The following PCK1 variants were observed in gnomAD, a reference collection of about 807,000 sequenced individuals.
PCK1 encodes the protein phosphoenolpyruvate carboxykinase, cytosolic [GTP].
PCK1 carries 44 observed loss-of-function variants against 50.3 expected under a neutral mutation model. That is an observed-to-expected ratio of 0.87 (90% CI 0.69 to 1.12). The LOEUF (loss-of-function observed/expected upper bound fraction) is 1.12, where lower values mean the gene tolerates loss of function less well. Among genes scored for constraint, PCK1 ranks in the 50% most tolerant of loss-of-function variants. PCK1 has a pLI of 0.00. For synonymous variants in PCK1, 332 were observed against 314.3 expected (o/e 1.06, Z -0.59); for missense variants, 790 against 815.0 (o/e 0.97, Z 0.37).
rs2070218169 is a variant in PCK1 at position 57,568,064 on chromosome 20, A to AT, written c.*2265dup. On this transcript the variant is annotated 3_prime_UTR_variant, in exon 10 of 10. Coordinates refer to ENST00000319441, the MANE Select transcript of PCK1 (RefSeq NM_002591.4). The stretch of plus-strand genomic sequence containing the variant: ...GTGCTCCCTCTGTCTCCAAATCCTG[A>AT]TTTTTGTGCGCGGACCCCTGTCTAC... 1 of 152,164 alleles carries AT rather than the reference A, an allele frequency of 6.6e-6. No individual in the cohort carries two copies. Among genetic ancestry groups the AT allele is most frequent in the South Asian group, 2.1e-4 (1 of 4,824 alleles). 9.4% of individuals were successfully genotyped at this position (152,164 alleles called of 1,614,324 possible).
intron 9 of PCK1, 51 bp downstream of exon 9, chr20:57,565,186 C>G (rs760908868): frequency 7.2e-7 from 1 of 1,396,302 alleles, no homozygotes; most frequent in South Asian, 1.2e-5. Flanking sequence ...TTAGAGCACT[C>G]TTCGTCACTC....
At position 57,564,355 on chromosome 20, in the gene PCK1, T is replaced by A. The variant is rs745989703; in HGVS notation, c.1148T>A (p.Ile383Asn). Residue 383 changes from isoleucine (I) to asparagine (N), a missense_variant, in exon 7 of 10, where the codon ATC becomes AAC. By Grantham distance (149) the Ile-to-Asn change is moderately radical. Transcript: ENST00000319441. Reference protein sequence around the residue: ...IDEPLASGVTITSWKNKEWSS... With the variant: ...IDEPLASGVTNTSWKNKEWSS... ...GAGCCGCTAGCTTCAGGTGTCACCA[T>A]CACGTCCTGGAAGAATAAGGAGTGG... 51 of 1,613,934 alleles carry A rather than the reference T, an allele frequency of 3.2e-5. No individual in the cohort carries two copies. The highest frequency in any genetic ancestry group is 4.2e-5 in the Non-Finnish European group (49 of 1,179,980).
rs748682003 is a variant in PCK1, at chr20:57,563,631, G to A, written c.865G>A (p.Gly289Arg). Residue 289 changes from glycine to arginine, a missense_variant, in exon 6 of 10, where the codon GGG becomes AGG. By Grantham distance (125) the Gly-to-Arg change is moderately radical. Coordinates refer to ENST00000319441, the MANE Select transcript of PCK1 (RefSeq NM_002591.4). The stretch of plus-strand genomic sequence containing the variant: ...GGCGGCCGCATTTCCCAGCGCCTGC[G>A]GGAAGACCAACCTGGCCATGATGAA... ...YLAAAFPSACGKTNLAMMNPS... is the reference protein window; with the variant it reads ...YLAAAFPSACRKTNLAMMNPS... The A allele has an allele frequency of 1.4e-5, 22 of 1,613,268 alleles. No individual in the cohort carries two copies. The highest frequency in any genetic ancestry group is 2.2e-5 in the South Asian group (2 of 91,054).
In PCK1 at chr20:57,561,205, T is replaced by A. The variant is rs2070137182; in HGVS notation, c.-41+2T>A. 6.1e-6 allele frequency: 3 copies of A among 494,844 alleles called. No individual in the cohort carries two copies. In the Admixed American group the frequency reaches 1.1e-4, roughly 17 times the overall value. 30.7% of individuals were successfully genotyped at this position (494,844 alleles called of 1,614,324 possible). A position where few individuals can be genotyped will look rare whatever the true frequency, so the allele number is the denominator to read the frequency against. On this transcript the variant is annotated splice_donor_variant, in intron 1 of 9. Transcript: ENST00000319441. LOFTEE classifies it low-confidence loss of function (5UTR_SPLICE). ...CGAGATCATCCAAAGAGAAGAAAGG[T>A]AAGTAGAGCTTTGCATTTACATTTT...
Position 57,565,694 on chromosome 20 carries a change from A to T in PCK1, c.1759A>T (p.Lys587Ter). Residue 587 changes from lysine to a stop codon, truncating the protein, a stop_gained, in exon 10 of 10, where the codon AAG becomes TAG. Transcript: ENST00000319441. LOFTEE classifies it low-confidence loss of function (END_TRUNC). ...LFSISKEFWEKEVEDIEKYLE... is the reference protein window; with the variant it reads ...LFSISKEFWE The stretch of plus-strand genomic sequence containing the variant: ...CAGCATCTCCAAGGAATTCTGGGAG[A>T]AGGAGGTGGAAGACATCGAGAAGTA... The T allele has an allele frequency of 6.2e-7, 1 of 1,613,872 alleles. No individual in the cohort carries two copies. The highest frequency in any genetic ancestry group is 8.5e-7 in the Non-Finnish European group (1 of 1,179,998).
At chr20:57,563,268 A>G (rs771157565) in intron 5 of PCK1, 53 bp downstream of exon 5, 1 of 1,531,014 alleles carries the variant, frequency 6.5e-7, no homozygotes, top group Non-Finnish European at 9.0e-7. Context: ...GGGGTGGCAG[A>G]AACAAACAGC....
At chr20:57,563,314 C>T (rs2070170210) in intron 5 of PCK1, 99 bp downstream of exon 5, 8 of 1,140,592 alleles carry the variant, frequency 7.0e-6, no homozygotes, top group South Asian at 4.2e-5. Flanking sequence ...CCTCTCTGAG[C>T]GTGCAGGTTC....
In PCK1 at chr20:57,562,691, T is replaced by C. The variant is rs761092959; in HGVS notation, c.407-5T>C. ...TCACCAGTGCCCACCCATCGCACCCTGTAGGTCGCACCATGTACGTCATCC... is the reference window on the plus strand; with the variant it reads ...TCACCAGTGCCCACCCATCGCACCCCGTAGGTCGCACCATGTACGTCATCC... On this transcript the variant is annotated splice_polypyrimidine_tract_variant and splice_region_variant and intron_variant, in intron 3 of 9. Coordinates refer to ENST00000319441, the MANE Select transcript of PCK1 (RefSeq NM_002591.4). 5 of 1,612,864 alleles carry C rather than the reference T, an allele frequency of 3.1e-6. No homozygotes were observed. Among genetic ancestry groups the C allele is most frequent in the Non-Finnish European group, 4.2e-6 (5 of 1,179,242 alleles).
At position 57,565,358 on chromosome 20, in the gene PCK1, A is replaced by G; in HGVS notation, c.1423A>G (p.Ile475Val). 1 of 1,613,360 alleles carries G rather than the reference A, an allele frequency of 6.2e-7. No individual in the cohort carries two copies. The highest frequency in any genetic ancestry group is 8.5e-7 in the Non-Finnish European group (1 of 1,179,286). The part of the protein sequence containing the change: ...TAAAEHKGKI[I>V]MHDPFAMRPF... ...CCCTCTCTGTTTAACAGGCAAAATC[A>G]TCATGCATGACCCCTTTGCCATGCG... Residue 475 changes from isoleucine to valine, a missense_variant, in exon 10 of 10, where the codon ATC (isoleucine) becomes GTC (valine). Physicochemically the swap from Ile to Val is conservative, Grantham distance 29. Transcript: ENST00000319441.
intron 6 of PCK1, 86 bp from the exon 7 acceptor site, chr20:57,564,083 A>G: frequency 9.5e-6 from 8 of 839,688 alleles, no homozygotes; most frequent in Non-Finnish European, 1.5e-5. Context: ...AGAAGTTGGC[A>G]TAGAAATTAG....
Position 57,565,029 on chromosome 20 carries a change from TCC to T in PCK1, c.1319-10_1319-9del. 1.3e-6 allele frequency: 2 copies of T among 1,597,786 alleles called. No homozygotes were observed. Among genetic ancestry groups the T allele is most frequent in the Non-Finnish European group, 8.6e-7 (1 of 1,167,376 alleles). On this transcript the variant is annotated splice_polypyrimidine_tract_variant and intron_variant, in intron 8 of 9. Transcript: ENST00000319441. ...TCTGATGAACATTTCTCTTTTTTTT[TCC>T]TGCTAAAGGTGTCCCTCTAGTCTAT...
rs774915631 is a variant in PCK1, at chr20:57,563,582, C to G, written c.816C>G (p.Asn272Lys). The G allele has an allele frequency of 1.2e-6, 2 of 1,610,314 alleles. No homozygotes were observed. Among genetic ancestry groups the G allele is most frequent in the Non-Finnish European group, 1.7e-6 (2 of 1,177,238 alleles). ...CCCAACAGATTCTGGGTATAACCAACCCTGAGGGTGAGAAGAAGTACCTGG... is the reference window on the plus strand; with the variant it reads ...CCCAACAGATTCTGGGTATAACCAAGCCTGAGGGTGAGAAGAAGTACCTGG... Reference protein sequence around the residue: ...AEHMLILGITNPEGEKKYLAA... With the variant: ...AEHMLILGITKPEGEKKYLAA... The change falls in exon 6 of 10, where the codon AAC becomes AAG. Residue 272 changes from asparagine (N) to lysine (K), a missense_variant. Asn to Lys is a moderately conservative substitution (Grantham distance 94, BLOSUM62 0). Transcript: ENST00000319441.
chr20:57,565,200 T>G, intron 9 of PCK1, 65 bp downstream of exon 9: 2 of 1,357,920 alleles, frequency 1.5e-6, no homozygotes, highest in East Asian at 2.3e-5. Context: ...GTCACTCTTA[T>G]GTCTCTCTCC....
In PCK1 at chr20:57,568,098, G is replaced by A. The variant is rs2070218420; in HGVS notation, c.*2294G>A. 1 of 152,234 alleles carries A rather than the reference G, an allele frequency of 6.6e-6. No individual in the cohort carries two copies. Among genetic ancestry groups the A allele is most frequent in the Admixed American group, 6.5e-5 (1 of 15,282 alleles). The allele number at this position is 152,234 out of a possible 1,614,324, so 9.4% of individuals were successfully genotyped here. ...CGCGGACCCCTGTCTACAATAAACA[G>A]GATCCTATGACTTCTTTCTTCAATG... On this transcript the variant is annotated 3_prime_UTR_variant, in exon 10 of 10. Coordinates refer to ENST00000319441, the MANE Select transcript of PCK1 (RefSeq NM_002591.4).
chr20:57,561,954 C>A (rs17847710), intron 2 of PCK1, 117 bp from the exon 3 acceptor site: 1 of 784,024 alleles, frequency 1.3e-6, no homozygotes. Flanking sequence ...TGTGTTCACA[C>A]TGATGGACTG....
chr20:57,565,874 A>G lies in PCK1; in HGVS notation c.*70A>G, dbSNP rs2070200367. On this transcript the variant is annotated 3_prime_UTR_variant, in exon 10 of 10. Transcript: ENST00000319441. ...CCATAAGGTGCAGTAGGAGCAAGAG[A>G]GGGCAAGTGTTCCCAAATTGACGCC... 2.5e-6 allele frequency: 3 copies of G among 1,189,416 alleles called. No homozygotes were observed. Among genetic ancestry groups the G allele is most frequent in the Admixed American group, 5.1e-5 (2 of 39,380 alleles). The allele number at this position is 1,189,416 out of a possible 1,614,324, so 73.7% of individuals were successfully genotyped here. A position where few individuals can be genotyped will look rare whatever the true frequency, so the allele number is the denominator to read the frequency against.
chr20:57,561,295 C>G (rs1292809955), intron 1 of PCK1, 77 bp from the exon 2 acceptor site: 3 of 688,854 alleles, frequency 4.4e-6, no homozygotes, highest in East Asian at 2.5e-5. Context: ...ATGCACAGCC[C>G]TGGCAAAAGG....
Position 57,561,572 on chromosome 20 carries a change from G to A in PCK1, c.161G>A (p.Gly54Glu). 6.2e-6 allele frequency: 10 copies of A among 1,613,984 alleles called. No homozygotes were observed. In the South Asian group the frequency reaches 1.1e-4, roughly 18 times the overall value. The change falls in exon 2 of 10, where the codon GGG (glycine) becomes GAG (glutamate). Residue 54 changes from glycine to glutamate, a missense_variant. Physicochemically the swap from Gly to Glu is moderately conservative, Grantham distance 98. Transcript: ENST00000319441. Reference protein sequence around the residue: ...HICDGSEEENGRLLGQMEEEG... With the variant: ...HICDGSEEENERLLGQMEEEG... ...TGTGACGGCTCTGAGGAGGAGAATG[G>A]GCGGCTTCTGGGCCAGATGGAGGAA...
Position 57,561,545 on chromosome 20 carries a change from T to C in PCK1, c.134T>C (p.Ile45Thr), listed in dbSNP as rs202197769. 46 of 1,613,784 alleles carry C rather than the reference T, an allele frequency of 2.9e-5. No homozygotes were observed. Among genetic ancestry groups the C allele is most frequent in the Non-Finnish European group, 3.4e-6 (4 of 1,179,912 alleles). Residue 45 changes from isoleucine to threonine, a missense_variant, in exon 2 of 10, where the codon ATC becomes ACC. By Grantham distance (89) the Ile-to-Thr change is moderately conservative. Coordinates refer to ENST00000319441, the MANE Select transcript of PCK1 (RefSeq NM_002591.4). ...AELCQPDHIH[I>T]CDGSEEENGR... ...CTGTGTCAGCCTGATCACATCCACA[T>C]CTGTGACGGCTCTGAGGAGGAGAAT...
Sources: gnomAD v4.1 joint callset for allele counts on GRCh38, gnomAD v4.1.1 for gene constraint, MANE v1.5 for transcripts, NCBI Gene and HGNC (gene_info 2026-07-23, HGNC 2026-07-21) for gene names.